PTPRD: variants seen among roughly 807,000 people sequenced by gnomAD.
PTPRD encodes protein tyrosine phosphatase receptor type D.
Under a neutral mutation model 214.5 loss-of-function variants are expected in PTPRD, and 34 were observed. That is an observed-to-expected ratio of 0.16 (90% CI 0.12 to 0.21). PTPRD has a LOEUF of 0.21. Among genes scored for constraint, PTPRD ranks in the 10% least tolerant of loss-of-function variants. The pLI is 1.00. For missense variants in PTPRD, 2,545 were observed against 2,398.7 expected (o/e 1.06, Z -1.27); for synonymous variants, 1,128 against 845.7 (o/e 1.33, Z -5.79).
At chr9:8,793,116 C>A (rs541908533) in intron 11 of PTPRD, among the ~76,000 whole-genome samples, 28 of 152,294 alleles carry the variant, frequency 1.8e-4, no homozygotes, top group African/African-American at 6.3e-4. Flanking sequence ...CCTCAATTAT[C>A]CCTGCTTCCA....
chr9:9,220,073 C>A (rs1038821596), intron 9 of PTPRD, among the ~76,000 whole-genome samples: 2 of 151,970 alleles, frequency 1.3e-5, no homozygotes, highest in African/African-American at 4.8e-5. Flanking sequence ...GAGAAGTTTA[C>A]TTAGAGAAAA....
chr9:9,420,171 A>G (rs1214500824), intron 8 of PTPRD, among the ~76,000 whole-genome samples: 2 of 151,808 alleles, frequency 1.3e-5, no homozygotes, highest in Non-Finnish European at 3.0e-5. Context: ...ATTAATCACT[A>G]TAAAGCTTAA....
intron 10 of PTPRD, among the ~76,000 whole-genome samples, chr9:9,024,357 T>TG (rs1554639643): frequency 3.8e-5 from 3 of 78,186 alleles, no homozygotes; most frequent in Admixed American, 1.3e-4. Flanking sequence ...TGTTTGTTTT[T>TG]TTTTTTTTCC....
chr9:9,348,596 A>G (rs1298131167), intron 9 of PTPRD, among the ~76,000 whole-genome samples: 1 of 152,130 alleles, frequency 6.6e-6, no homozygotes, highest in African/African-American at 2.4e-5. Context: ...CCCTTCAGAC[A>G]CACTGTGTAA....
At chr9:10,356,475 T>C (rs2097280074) in intron 2 of PTPRD, among the ~76,000 whole-genome samples, 1 of 152,168 alleles carries the variant, frequency 6.6e-6, no homozygotes, top group African/African-American at 2.4e-5. Context: ...TTTACACAAA[T>C]TTCACTTATT....
At chr9:8,956,758 T>C (rs1160036049) in intron 11 of PTPRD, among the ~76,000 whole-genome samples, 1 of 151,776 alleles carries the variant, frequency 6.6e-6, no homozygotes, top group Non-Finnish European at 1.5e-5. Flanking sequence ...CCCAATAAAA[T>C]ATACCTGCAA....
At chr9:8,701,086 G>A (rs768359375) in intron 12 of PTPRD, among the ~76,000 whole-genome samples, 15 of 151,746 alleles carry the variant, frequency 9.9e-5, no homozygotes, top group African/African-American at 1.7e-4. Context: ...ACTTGAACCC[G>A]GGAGGTGGAG....
intron 7 of PTPRD, among the ~76,000 whole-genome samples, chr9:9,633,443 G>A (rs2095657086): frequency 6.6e-6 from 1 of 152,156 alleles, no homozygotes; most frequent in African/African-American, 2.4e-5. Flanking sequence ...CCAAAATCTA[G>A]GCATGTTTTC....
intron 5 of PTPRD, among the ~76,000 whole-genome samples, chr9:9,771,390 C>A (rs1372691588): frequency 6.6e-6 from 1 of 152,102 alleles, no homozygotes; most frequent in Non-Finnish European, 1.5e-5. Context: ...TATTTTATGT[C>A]ATTTGTGGTC....
At chr9:9,335,365 C>A (rs2136907693) in intron 9 of PTPRD, among the ~76,000 whole-genome samples, 1 of 152,088 alleles carries the variant, frequency 6.6e-6, no homozygotes. Context: ...GAGTGAAGAA[C>A]AAGATTGAAG....
intron 3 of PTPRD, among the ~76,000 whole-genome samples, chr9:10,199,535 C>G (rs997620867): frequency 6.6e-6 from 1 of 151,940 alleles, no homozygotes; most frequent in Non-Finnish European, 1.5e-5. Flanking sequence ...AGTGAGAACC[C>G]CCTGTGTTTC....
In PTPRD at chr9:10,126,263, G is replaced by A. The variant is rs147168092; in HGVS notation, c.-544-92473C>T. Among the ~76,000 whole-genome samples, 1,230 of 151,994 alleles carry A rather than the reference G, an allele frequency of 8.1e-3. 27 individuals are homozygous for A. Among genetic ancestry groups the A allele is most frequent in the African/African-American group, 0.028 (1,169 of 41,468 alleles). On this transcript the variant is annotated intron_variant, in intron 3 of 45. Transcript: ENST00000381196. ...TTACAATTACCACCTAGTTTTATAC[G>A]ACATGGCATTTACGTATTGTACCAG...
At chr9:9,805,571 GCTTTT>G (rs1360477551) in intron 5 of PTPRD, among the ~76,000 whole-genome samples, 1 of 152,092 alleles carries the variant, frequency 6.6e-6, no homozygotes, top group Non-Finnish European at 1.5e-5. Flanking sequence ...AATATTTAAA[GCTTTT>G]CTTTTATTAT....
intron 3 of PTPRD, among the ~76,000 whole-genome samples, chr9:10,201,914 T>C (rs1253689608): frequency 6.6e-6 from 1 of 151,938 alleles, no homozygotes; most frequent in Non-Finnish European, 1.5e-5. Context: ...TTTTTTCCAG[T>C]GTGTTTTTCT....
intron 10 of PTPRD, among the ~76,000 whole-genome samples, chr9:9,066,276 G>A (rs1461321238): frequency 6.6e-6 from 1 of 151,780 alleles, no homozygotes; most frequent in Non-Finnish European, 1.5e-5. Context: ...AATCACTGGG[G>A]TAAAGTCACC....
chr9:8,526,563 G>C, intron 17 of PTPRD, 64 bp downstream of exon 17: 2 of 1,401,554 alleles, frequency 1.4e-6, no homozygotes, highest in South Asian at 1.5e-5. Context: ...ACAAAGATGA[G>C]AGGGATGAAA....
chr9:8,733,541 A>G (rs1184944692), intron 12 of PTPRD, among the ~76,000 whole-genome samples: 1 of 152,202 alleles, frequency 6.6e-6, no homozygotes, highest in East Asian at 1.9e-4. Flanking sequence ...TAAAAAAATA[A>G]ATAAACAGGA....
intron 5 of PTPRD, among the ~76,000 whole-genome samples, chr9:9,867,134 C>T (rs2064174778): frequency 6.6e-6 from 1 of 152,018 alleles, no homozygotes; most frequent in Non-Finnish European, 1.5e-5. Context: ...GAAAAGGAGT[C>T]AATATTATTG....
chr9:9,021,568 A>C (rs2099569708), intron 10 of PTPRD, among the ~76,000 whole-genome samples: 1 of 152,120 alleles, frequency 6.6e-6, no homozygotes, highest in Admixed American at 6.6e-5. Flanking sequence ...TGTTAACTAC[A>C]GAATGGTCTC....
Sources: allele counts gnomAD v4.1 joint callset (sites outside exome capture counted in the v4.1 genomes callset), GRCh38; gene constraint gnomAD v4.1.1; transcripts MANE v1.5; gene names NCBI Gene and HGNC (gene_info 2026-07-23, HGNC 2026-07-21).